The following LPP variants were observed in gnomAD, a reference collection of about 807,000 sequenced individuals.
The protein encoded by LPP is LIM domain containing preferred translocation partner in lipoma.
A neutral mutation model predicts 60.4 loss-of-function variants in LPP; 38 were observed. The observed-to-expected ratio is 0.63, with a 90% CI of 0.49 to 0.83. LPP has a LOEUF of 0.83. Among genes scored for constraint, LPP ranks in the 40% least tolerant of loss-of-function variants. The probability of loss-of-function intolerance (pLI) is 0.00; values close to 1 mark genes in which losing one functional copy is unlikely to be tolerated. For missense variants in LPP, 902 were observed against 783.6 expected, an observed-to-expected ratio of 1.15 and a Z score of -1.80; for synonymous variants, 328 against 290.8, an observed-to-expected ratio of 1.13 and a Z score of -1.30.
At chr3:188,441,028 G>A (rs112884600) in intron 4 of LPP, among the ~76,000 whole-genome samples, 1 of 110,786 alleles carries the variant, frequency 9.0e-6, no homozygotes, top group Non-Finnish European at 2.3e-5. Flanking sequence ...CCCTTAATAT[G>A]TGTGTGTGTG....
At chr3:188,632,708 T>C (rs1212331548) in intron 7 of LPP, among the ~76,000 whole-genome samples, 1 of 152,216 alleles carries the variant, frequency 6.6e-6, no homozygotes, top group Non-Finnish European at 1.5e-5. Flanking sequence ...TTACGTTAAC[T>C]GTTTTCACTA....
intron 7 of LPP, among the ~76,000 whole-genome samples, chr3:188,654,010 C>T (rs1852623501): frequency 6.6e-6 from 1 of 152,162 alleles, no homozygotes. Context: ...TGACCTTAGT[C>T]TTAGTGAACA....
chr3:188,699,311 C>T (rs539736354), intron 7 of LPP, among the ~76,000 whole-genome samples: 1 of 152,158 alleles, frequency 6.6e-6, no homozygotes, highest in Admixed American at 6.5e-5. Flanking sequence ...AGATAAAACC[C>T]TTGTGTGCAG....
chr3:188,252,934 G>A (rs1225102123), intron 2 of LPP, among the ~76,000 whole-genome samples: 1 of 152,092 alleles, frequency 6.6e-6, no homozygotes, highest in Non-Finnish European at 1.5e-5. Context: ...ACCATACCAA[G>A]CTAATTTTTT....
chr3:188,591,340 C>G (rs1456743572), intron 6 of LPP, among the ~76,000 whole-genome samples: 1 of 152,170 alleles, frequency 6.6e-6, no homozygotes, highest in African/African-American at 2.4e-5. Flanking sequence ...TCTGTTATTG[C>G]ATTTATCTGC....
chr3:188,156,849 C>A (rs947961841), intron 1 of LPP, among the ~76,000 whole-genome samples: 17 of 149,638 alleles, frequency 1.1e-4, no homozygotes, highest in African/African-American at 3.8e-4. Flanking sequence ...CTGCTGCGCC[C>A]CACCCCCCCA....
chr3:188,343,007 T>A (rs1458471192), intron 3 of LPP, among the ~76,000 whole-genome samples: 2 of 152,218 alleles, frequency 1.3e-5, no homozygotes, highest in Non-Finnish European at 2.9e-5. Context: ...GTTTTTTATT[T>A]ATTTATTTAC....
chr3:188,623,014 A>G (rs955975863), intron 7 of LPP, among the ~76,000 whole-genome samples: 1 of 139,466 alleles, frequency 7.2e-6, no homozygotes, highest in Non-Finnish European at 1.6e-5. Flanking sequence ...GGTGACAGAG[A>G]GAGACTCCAT....
chr3:188,251,093 C>T (rs1577575882), intron 2 of LPP, among the ~76,000 whole-genome samples: 1 of 125,152 alleles, frequency 8.0e-6, no homozygotes, highest in African/African-American at 3.7e-5. Context: ...CTCTCTCTTT[C>T]TCTCTCTCTC....
chr3:188,862,836 T>A (rs1391469047), intron 9 of LPP, among the ~76,000 whole-genome samples: 1 of 151,426 alleles, frequency 6.6e-6, no homozygotes, highest in Admixed American at 6.6e-5. Flanking sequence ...TTTAGAGACA[T>A]CCCTCTTTCA....
chr3:188,451,183 T>G (rs1796515028), intron 4 of LPP, among the ~76,000 whole-genome samples: 1 of 152,168 alleles, frequency 6.6e-6, no homozygotes, highest in Admixed American at 6.5e-5. Flanking sequence ...TTTGCTAATA[T>G]GATGGGTATG....
chr3:188,469,233 C>A (rs555024285), intron 4 of LPP, among the ~76,000 whole-genome samples: 1 of 152,118 alleles, frequency 6.6e-6, no homozygotes, highest in African/African-American at 2.4e-5. Context: ...TGGGACTTAA[C>A]CTTTGCAGAT....
intron 6 of LPP, among the ~76,000 whole-genome samples, chr3:188,543,543 G>A (rs1027473240): frequency 3.3e-5 from 5 of 152,064 alleles, no homozygotes; most frequent in East Asian, 1.9e-4. Flanking sequence ...TATATGGTTC[G>A]ATTTCTTCCA....
At chr3:188,424,657 G>A (rs915459177) in intron 4 of LPP, among the ~76,000 whole-genome samples, 6 of 151,946 alleles carry the variant, frequency 3.9e-5, no homozygotes, top group African/African-American at 1.2e-4. Flanking sequence ...CTCCATGAAA[G>A]GGTCATTCAC....
chr3:188,329,597 A>C (rs1759419669), intron 2 of LPP, among the ~76,000 whole-genome samples: 4 of 151,724 alleles, frequency 2.6e-5, no homozygotes, highest in African/African-American at 9.7e-5. Flanking sequence ...TTAGGGATAC[A>C]AAACCTGTAT....
At chr3:188,864,402 G>C (rs1053686091) in intron 9 of LPP, among the ~76,000 whole-genome samples, 1 of 152,102 alleles carries the variant, frequency 6.6e-6, no homozygotes, top group Admixed American at 6.6e-5. Context: ...CAGTATACTG[G>C]GTGCATTATA....
intron 6 of LPP, chr3:188,568,707 G>A (rs1832795398): frequency 6.6e-6 from 1 of 151,950 alleles, no homozygotes; most frequent in Non-Finnish European, 1.5e-5. Flanking sequence ...CTAAACTGAG[G>A]TCTGACAAAC....
intron 4 of LPP, among the ~76,000 whole-genome samples, chr3:188,430,425 T>C (rs962435613): frequency 2.0e-5 from 3 of 152,198 alleles, no homozygotes; most frequent in Admixed American, 6.5e-5. Context: ...CAAGTGTTTG[T>C]TATTTGAGCA....
intron 1 of LPP, among the ~76,000 whole-genome samples, chr3:188,224,830 C>T (rs906413603): frequency 6.6e-5 from 10 of 152,058 alleles, no homozygotes; most frequent in East Asian, 1.9e-4. Context: ...ATGAGAAATC[C>T]GCCCCCATCA....
Sources: gnomAD v4.1 joint callset for allele counts (sites outside exome capture counted in the v4.1 genomes callset) on GRCh38, gnomAD v4.1.1 for gene constraint, MANE v1.5 for transcripts, NCBI Gene and HGNC (gene_info 2026-07-23, HGNC 2026-07-21) for gene names.